Variants in ATXN1 observed in about 807,000 individuals in gnomAD.
ATXN1 encodes the protein ataxin 1, also known as ataxin-1.
ATXN1 carries 8 observed loss-of-function variants against 56.4 expected under a neutral mutation model. The ratio of observed to expected loss-of-function variants is 0.14; its 90% CI spans 0.08 to 0.26. The LOEUF is 0.26. Among genes scored for constraint, ATXN1 ranks in the 10% least tolerant of loss-of-function variants. The pLI, the probability that ATXN1 is intolerant of heterozygous loss-of-function variation, is 1.00. For synonymous variants in ATXN1, 514 were observed against 494.6 expected, an observed-to-expected ratio of 1.04 and a Z score of -0.52; for missense variants, 987 against 1,106.5, an observed-to-expected ratio of 0.89 and a Z score of 1.53.
chr6:16,478,170 G>T (rs550418596), intron 6 of ATXN1, among the ~76,000 whole-genome samples: 2 of 152,140 alleles, frequency 1.3e-5, no homozygotes, highest in Admixed American at 1.3e-4. Flanking sequence ...GCAAGTGACC[G>T]AGTAACACTA....
chr6:16,358,623 T>C (rs1685229208), intron 6 of ATXN1, among the ~76,000 whole-genome samples: 1 of 152,198 alleles, frequency 6.6e-6, no homozygotes, highest in Non-Finnish European at 1.5e-5. Context: ...TGCTGCATAC[T>C]CCATGGAGCT....
intron 6 of ATXN1, among the ~76,000 whole-genome samples, chr6:16,352,044 C>A (rs1336679669): frequency 6.6e-6 from 1 of 152,166 alleles, no homozygotes; most frequent in Non-Finnish European, 1.5e-5. Flanking sequence ...AACATTGAGA[C>A]ATTTTATCTC....
At chr6:16,338,320 T>C (rs1296225744) in intron 6 of ATXN1, among the ~76,000 whole-genome samples, 1 of 152,026 alleles carries the variant, frequency 6.6e-6, no homozygotes, top group African/African-American at 2.4e-5. Flanking sequence ...AGTGAAATCC[T>C]GTCTCTACTA....
At chr6:16,490,146 A>T (rs1760632351) in intron 5 of ATXN1, among the ~76,000 whole-genome samples, 1 of 151,998 alleles carries the variant, frequency 6.6e-6, no homozygotes, top group Non-Finnish European at 1.5e-5. Flanking sequence ...AAAAAAAAAA[A>T]AAAAACCAAA....
At chr6:16,620,036 C>T (rs1197578668) in intron 3 of ATXN1, among the ~76,000 whole-genome samples, 1 of 152,066 alleles carries the variant, frequency 6.6e-6, no homozygotes, top group Non-Finnish European at 1.5e-5. Flanking sequence ...TTGAATTTTA[C>T]ATGTATGTAA....
intron 6 of ATXN1, among the ~76,000 whole-genome samples, chr6:16,480,369 G>T (rs1289316003): frequency 6.6e-6 from 1 of 152,026 alleles, no homozygotes; most frequent in Non-Finnish European, 1.5e-5. Flanking sequence ...AGCATCCTTT[G>T]TCTTCTCTAA....
chr6:16,546,233 A>C (rs569178705), intron 4 of ATXN1, among the ~76,000 whole-genome samples: 14 of 152,352 alleles, frequency 9.2e-5, no homozygotes, highest in African/African-American at 3.4e-4. Context: ...CAACAGTGAC[A>C]AACCATGGCT....
intron 6 of ATXN1, among the ~76,000 whole-genome samples, chr6:16,401,148 G>T (rs1301283764): frequency 6.6e-6 from 1 of 152,218 alleles, no homozygotes; most frequent in East Asian, 1.9e-4. Context: ...AAACCTGGAA[G>T]TGGCTTTCCA....
chr6:16,411,368 T>A (rs1422919350), intron 6 of ATXN1, among the ~76,000 whole-genome samples: 1 of 152,108 alleles, frequency 6.6e-6, no homozygotes. Flanking sequence ...TGAATTAAAG[T>A]CAGTGCAAGA....
At chr6:16,646,671 T>C (rs545569298) in intron 3 of ATXN1, among the ~76,000 whole-genome samples, 1 of 152,368 alleles carries the variant, frequency 6.6e-6, no homozygotes, top group Admixed American at 6.5e-5. Context: ...TGCTCCCAGC[T>C]CTGTCAGGTG....
At chr6:16,559,996 C>T (rs571217129) in intron 4 of ATXN1, among the ~76,000 whole-genome samples, 9 of 152,250 alleles carry the variant, frequency 5.9e-5, no homozygotes, top group East Asian at 1.9e-4. Flanking sequence ...TCACAGGAGA[C>T]GGGACCACCT....
At chr6:16,373,621 A>G (rs994938968) in intron 6 of ATXN1, among the ~76,000 whole-genome samples, 3 of 152,196 alleles carry the variant, frequency 2.0e-5, no homozygotes, top group South Asian at 4.1e-4. Context: ...TAATGGGGGC[A>G]GTTTCCCCCA....
intron 2 of ATXN1, among the ~76,000 whole-genome samples, chr6:16,747,182 G>T (rs886513054): frequency 3.3e-5 from 5 of 152,100 alleles, no homozygotes; most frequent in Non-Finnish European, 2.9e-5. Flanking sequence ...AAAGAAGCCT[G>T]GTTTTGATTT....
At chr6:16,413,279 G>T (rs966269346) in intron 6 of ATXN1, among the ~76,000 whole-genome samples, 22 of 151,938 alleles carry the variant, frequency 1.4e-4, no homozygotes, top group African/African-American at 5.1e-4. Context: ...ACCCAGGCCT[G>T]TCTAGTTCTT....
rs1001944475 is a variant in ATXN1, at chr6:16,306,667, C to T, written c.2110G>A (p.Ala704Thr). 9.3e-6 allele frequency: 15 copies of T among 1,614,084 alleles called. No homozygotes were observed. The highest frequency in any genetic ancestry group is 1.3e-5 in the Non-Finnish European group (15 of 1,180,050). Residue 704 changes from alanine to threonine, a missense_variant, in exon 8 of 8, where the codon GCC (alanine) becomes ACC (threonine). This residue lies in a region of ATXN1 where 196 missense variants were observed against 196.7 expected (regional missense o/e 1.00). Coordinates refer to ENST00000436367, the MANE Select transcript of ATXN1 (RefSeq NM_001128164.2). The surrounding 1 kb of genome is among the most constrained non-coding windows in gnomAD (Gnocchi z 5.2). ...TTTGAGTGCTTCAGCAGGACGCTGG[C>T]GGGATCCACGGGCTGGCCCTTTTTA... is the stretch of plus-strand genomic sequence containing the variant. Reference protein sequence around the residue: ...SVKKGQPVDPASVLLKHSKAD... With the variant: ...SVKKGQPVDPTSVLLKHSKAD...
intron 6 of ATXN1, among the ~76,000 whole-genome samples, chr6:16,369,653 G>A (rs187535517): frequency 9.9e-4 from 151 of 152,292 alleles, no homozygotes; most frequent in African/African-American, 3.4e-3. Flanking sequence ...AGTCTTCAAT[G>A]CTCTCTGCCC....
At chr6:16,590,329 GA>G (rs988963003) in intron 3 of ATXN1, among the ~76,000 whole-genome samples, 5 of 151,842 alleles carry the variant, frequency 3.3e-5, no homozygotes, top group Middle Eastern at 3.4e-3. Flanking sequence ...ATGCACTTTG[GA>G]AAAAAAATAA....
At chr6:16,571,612 C>T (rs774990034) in intron 4 of ATXN1, among the ~76,000 whole-genome samples, 5 of 151,984 alleles carry the variant, frequency 3.3e-5, no homozygotes. Context: ...CCACCTCAGC[C>T]TCCTGAGCAG....
chr6:16,352,308 C>A (rs1159018096), intron 6 of ATXN1, among the ~76,000 whole-genome samples: 1 of 152,156 alleles, frequency 6.6e-6, no homozygotes, highest in Non-Finnish European at 1.5e-5. Flanking sequence ...TCACAGAAAG[C>A]TCTCAACGGA....
Sources: gnomAD v4.1 joint callset for allele counts (sites outside exome capture counted in the v4.1 genomes callset) on GRCh38, gnomAD v4.1.1 for gene constraint, gnomAD v4.1.1 regional missense constraint, Gnocchi (gnomAD v3.1) non-coding constraint, MANE v1.5 for transcripts, NCBI Gene and HGNC (gene_info 2026-07-23, HGNC 2026-07-21) for gene names.